The following TRIM48 variants were observed in gnomAD, a reference collection of about 807,000 sequenced individuals.
TRIM48 encodes the protein E3 ubiquitin-protein ligase TRIM48.
Under a neutral mutation model 29.5 loss-of-function variants are expected in TRIM48, and 31 were observed. The ratio of observed to expected loss-of-function variants is 1.05; its 90% CI spans 0.79 to 1.42. The LOEUF is 1.42. Among genes scored for constraint, TRIM48 ranks in the 40% most tolerant of loss-of-function variants. The probability of loss-of-function intolerance (pLI) is 0.00; values close to 1 mark genes in which losing one functional copy is unlikely to be tolerated. For synonymous variants in TRIM48, 128 were observed against 90.6 expected, an observed-to-expected ratio of 1.41 and a Z score of -2.34; for missense variants, 344 against 265.0, an observed-to-expected ratio of 1.30 and a Z score of -2.07.
At position 55,264,859 on chromosome 11, in the gene TRIM48, A is replaced by T; in HGVS notation, c.45-41A>T. ...TCCACATGTTCAGAAGCTTTTCATC[A>T]ACCCAGACCCCAAAATGACATGCTG... On this transcript the variant is annotated intron_variant, in intron 1 of 5. Transcript: ENST00000417545. 1.9e-6 allele frequency: 3 copies of T among 1,581,694 alleles called. 1 individual carries two copies. In the Admixed American group the frequency reaches 5.1e-5, roughly 27 times the overall value.
intron 2 of TRIM48, 72 bp from the exon 3 acceptor site, chr11:55,265,528 C>A: frequency 6.5e-7 from 1 of 1,531,078 alleles, no homozygotes; most frequent in Non-Finnish European, 8.9e-7. Context: ...ATTCTGGGCC[C>A]CCTCCCAATG....
At chr11:55,269,093 A>G (rs1254036292) in intron 4 of TRIM48, 149 bp from the exon 5 acceptor site, 3 of 1,274,092 alleles carry the variant, frequency 2.4e-6, no homozygotes, top group African/African-American at 3.0e-5. Context: ...AACTGTAAAT[A>G]GAAATTAATT....
Position 55,267,393 on chromosome 11 carries a change from C to A in TRIM48, c.556-957C>A. The A allele has an allele frequency of 2.5e-6, 4 of 1,571,012 alleles. 1 individual carries two copies. In the South Asian group the frequency reaches 4.8e-5, roughly 19 times the overall value. On this transcript the variant is annotated intron_variant, in intron 3 of 5. Coordinates refer to ENST00000417545, the MANE Select transcript of TRIM48 (RefSeq NM_024114.5). Reference sequence around the variant, plus strand: ...ATATACATTTCTCTTTTGACTAACCCATTATTACTGCCGTATTATGTGAAT... The same window carrying A: ...ATATACATTTCTCTTTTGACTAACCAATTATTACTGCCGTATTATGTGAAT...
Position 55,262,208 on chromosome 11 carries a change from C to T in TRIM48, c.-60C>T. 7 of 1,394,574 alleles carry T rather than the reference C, an allele frequency of 5.0e-6. No homozygotes were observed. Among genetic ancestry groups the T allele is most frequent in the South Asian group, 1.2e-5 (1 of 80,848 alleles). The allele number at this position is 1,394,574 out of a possible 1,614,324, so 86.4% of individuals were successfully genotyped here. ...TTAGAGGGAGCTGTGTTTTGGTGAC[C>T]TCTGAAACTCAGTACTGCAGCGAAT... is the stretch of plus-strand genomic sequence containing the variant. On this transcript the variant is annotated 5_prime_UTR_variant, in exon 1 of 6. Coordinates refer to ENST00000417545, the MANE Select transcript of TRIM48 (RefSeq NM_024114.5).
Position 55,270,742 on chromosome 11 carries a change from T to G in TRIM48, c.*307T>G. The G allele has an allele frequency of 2.6e-6, 4 of 1,564,548 alleles. 1 individual carries two copies. The highest frequency in any genetic ancestry group is 2.4e-5 in the East Asian group (1 of 41,160). On this transcript the variant is annotated 3_prime_UTR_variant, in exon 6 of 6. Coordinates refer to ENST00000417545, the MANE Select transcript of TRIM48 (RefSeq NM_024114.5). ...TGGGTGTGTTAAGAACGACATTCAG[T>G]GCAGTCTCTTTACCACCTCCCCAAT...
chr11:55,262,275 G>A lies in TRIM48; in HGVS notation c.8G>A (p.Arg3Gln), dbSNP rs201974764. ...GGAGTACTTAACAGAATTATGTCTC[G>A]AAGAATCATTGTGGGAACCCTTCAA... MS[R>Q]RIIVGTLQRT... Residue 3 changes from arginine to glutamine, a missense_variant, in exon 1 of 6, where the codon CGA (arginine) becomes CAA (glutamine). Physicochemically the swap from Arg to Gln is conservative, Grantham distance 43. Coordinates refer to ENST00000417545, the MANE Select transcript of TRIM48 (RefSeq NM_024114.5). The A allele has an allele frequency of 8.1e-5, 125 of 1,548,666 alleles. 1 individual carries two copies. The highest frequency in any genetic ancestry group is 9.7e-5 in the Non-Finnish European group (111 of 1,146,312).
At chr11:55,269,956 A>T (rs1857454970) in intron 5 of TRIM48, among the ~76,000 whole-genome samples, 1 of 147,960 alleles carries the variant, frequency 6.8e-6, no homozygotes, top group African/African-American at 2.5e-5. Context: ...CTGGTAAAAG[A>T]TTTTGCAGAA....
intron 4 of TRIM48, 112 bp downstream of exon 4, chr11:55,268,484 TG>T: frequency 9.1e-7 from 1 of 1,096,050 alleles, no homozygotes; most frequent in Non-Finnish European, 1.3e-6. Context: ...TATTTTTTTT[TG>T]CATCTTCTTT....
At chr11:55,267,530 C>T (rs1857411755) in intron 3 of TRIM48, 2 of 1,576,742 alleles carry the variant, frequency 1.3e-6, no homozygotes, top group Non-Finnish European at 1.7e-6. Context: ...TATTTTTCAT[C>T]AACTTCATTT....
chr11:55,270,606 G>T lies in TRIM48; in HGVS notation c.*171G>T. The T allele has an allele frequency of 6.3e-7, 1 of 1,583,172 alleles. No individual in the cohort carries two copies. The highest frequency in any genetic ancestry group is 8.6e-7 in the Non-Finnish European group (1 of 1,165,524). On this transcript the variant is annotated 3_prime_UTR_variant, in exon 6 of 6. Transcript: ENST00000417545. ...CTTTCACCTCTGGCAAATATTACTG[G>T]GAGGTCCATGTGGGGGACTCTTGGA... is the stretch of plus-strand genomic sequence containing the variant.
At position 55,264,778 on chromosome 11, in the gene TRIM48, G is replaced by A. The variant is rs1435679529; in HGVS notation, c.45-122G>A. On this transcript the variant is annotated intron_variant, in intron 1 of 5. Transcript: ENST00000417545. ...TTTTATTTTTGTTACAGAAGAAATA[G>A]TTTGTTGTGCTTTAATGAACACTGT... is the stretch of plus-strand genomic sequence containing the variant. 7 of 1,438,224 alleles carry A rather than the reference G, an allele frequency of 4.9e-6. 1 individual carries two copies. The highest frequency in any genetic ancestry group is 5.7e-6 in the Non-Finnish European group (6 of 1,061,304). The allele number at this position is 1,438,224 out of a possible 1,614,324, so 89.1% of individuals were successfully genotyped here.
In TRIM48 at chr11:55,264,794, T is replaced by C. The variant is rs1241288711; in HGVS notation, c.45-106T>C. On this transcript the variant is annotated intron_variant, in intron 1 of 5. Transcript: ENST00000417545. ...GAAGAAATAGTTTGTTGTGCTTTAATGAACACTGTCAAGAGAAGAAACTAT... is the reference window on the plus strand; with the variant it reads ...GAAGAAATAGTTTGTTGTGCTTTAACGAACACTGTCAAGAGAAGAAACTAT... 15 of 1,482,556 alleles carry C rather than the reference T, an allele frequency of 1.0e-5. 1 individual carries two copies. The African/African-American group carries it at 2.0e-4, about 20-fold the overall frequency. 91.8% of individuals were successfully genotyped at this position (1,482,556 alleles called of 1,614,324 possible). A position where few individuals can be genotyped will look rare whatever the true frequency, so the allele number is the denominator to read the frequency against.
rs201211847 is a variant in TRIM48, at chr11:55,270,986, C to T, written c.*551C>T. The T allele has an allele frequency of 1.4e-4, 220 of 1,519,012 alleles. 34 individuals carry two copies. The highest frequency in any genetic ancestry group is 1.1e-3 in the South Asian group (90 of 79,852). 94.1% of individuals were successfully genotyped at this position (1,519,012 alleles called of 1,614,324 possible). On this transcript the variant is annotated 3_prime_UTR_variant, in exon 6 of 6. Transcript: ENST00000417545. Reference sequence around the variant, plus strand: ...CATCTGCTGTGGGAACCCCTTTATCCCAGAAAGCCCTCTTCCTTGTGCCTT... The same window carrying T: ...CATCTGCTGTGGGAACCCCTTTATCTCAGAAAGCCCTCTTCCTTGTGCCTT...
At chr11:55,267,630 C>T (rs1429607919) in intron 3 of TRIM48, 6 of 1,561,612 alleles carry the variant, frequency 3.8e-6, no homozygotes, top group Non-Finnish European at 4.4e-6. Context: ...ACATGTGGAG[C>T]TACTTCAGGT....
In TRIM48 at chr11:55,271,008, C is replaced by T. The variant is rs1319525574; in HGVS notation, c.*573C>T. On this transcript the variant is annotated 3_prime_UTR_variant, in exon 6 of 6. Coordinates refer to ENST00000417545, the MANE Select transcript of TRIM48 (RefSeq NM_024114.5). The stretch of plus-strand genomic sequence containing the variant: ...ATCCCAGAAAGCCCTCTTCCTTGTG[C>T]CTTATCAAACAGGACAAATAGGTTC... 14 of 1,485,740 alleles carry T rather than the reference C, an allele frequency of 9.4e-6. 2 individuals carry two copies. The highest frequency in any genetic ancestry group is 5.4e-5 in the East Asian group (2 of 36,838). 92.0% of individuals were successfully genotyped at this position (1,485,740 alleles called of 1,614,324 possible).
chr11:55,266,913 G>A lies in TRIM48; in HGVS notation c.555+1218G>A, dbSNP rs184270796. Among the ~76,000 whole-genome samples, 13 of 147,830 alleles carry A rather than the reference G, an allele frequency of 8.8e-5. 2 individuals are homozygous for A. In the East Asian group the frequency reaches 2.8e-3, roughly 32 times the overall value. On this transcript the variant is annotated intron_variant, in intron 3 of 5. Transcript: ENST00000417545. ...AAAAGAATGGAAGGAAATGAATTCA[G>A]GGAGACAAAAATGGCCAAATCATAA...
intron 5 of TRIM48, 135 bp downstream of exon 5, chr11:55,269,474 C>A: frequency 8.2e-7 from 1 of 1,219,566 alleles, no homozygotes; most frequent in East Asian, 3.0e-5. Context: ...TCATGCAACC[C>A]TTTTGTATCT....
Position 55,271,046 on chromosome 11 carries a change from T to C in TRIM48, c.*611T>C, listed in dbSNP as rs1479085733. 16 of 1,319,788 alleles carry C rather than the reference T, an allele frequency of 1.2e-5. No homozygotes were observed. Among genetic ancestry groups the C allele is most frequent in the East Asian group, 6.0e-5 (2 of 33,162 alleles). 81.8% of individuals were successfully genotyped at this position (1,319,788 alleles called of 1,614,324 possible). On this transcript the variant is annotated 3_prime_UTR_variant, in exon 6 of 6. Transcript: ENST00000417545. The stretch of plus-strand genomic sequence containing the variant: ...GACAAATAGGTTCGGTTTTATGTCT[T>C]GAATTGCATTCTAATGTTATTAAAA...
chr11:55,262,538 G>C (rs1857319663), intron 1 of TRIM48, among the ~76,000 whole-genome samples: 1 of 151,892 alleles, frequency 6.6e-6, no homozygotes, highest in Non-Finnish European at 1.5e-5. Flanking sequence ...AGTGTTTGCT[G>C]CAACAGATAT....
Sources: gnomAD v4.1 joint callset for allele counts (sites outside exome capture counted in the v4.1 genomes callset) on GRCh38, gnomAD v4.1.1 for gene constraint, MANE v1.5 for transcripts, NCBI Gene and HGNC (gene_info 2026-07-23, HGNC 2026-07-21) for gene names.